The following PDE4D variants were observed in gnomAD, a reference collection of about 807,000 sequenced individuals.
PDE4D encodes phosphodiesterase 4D.
PDE4D carries 24 observed loss-of-function variants against 87.4 expected under a neutral mutation model. The ratio of observed to expected loss-of-function variants is 0.27; its 90% CI spans 0.20 to 0.39. The LOEUF (loss-of-function observed/expected upper bound fraction) is 0.39, where lower values mean the gene tolerates loss of function less well. PDE4D is among the 10% of genes least tolerant of loss of function. PDE4D has a pLI of 1.00. For missense variants in PDE4D, 714 were observed against 1,041.0 expected, an observed-to-expected ratio of 0.69 and a Z score of 4.32; for synonymous variants, 384 against 383.2, an observed-to-expected ratio of 1.00 and a Z score of -0.02.
intron 1 of PDE4D, among the ~76,000 whole-genome samples, chr5:59,819,222 A>G (rs1180301227): frequency 2.6e-5 from 4 of 152,226 alleles, no homozygotes; most frequent in African/African-American, 9.6e-5. Flanking sequence ...TGAATCTGCC[A>G]GACTGTAAGT....
intron 1 of PDE4D, among the ~76,000 whole-genome samples, chr5:60,321,436 C>T (rs73106738): frequency 1.2e-4 from 19 of 152,032 alleles, no homozygotes; most frequent in Non-Finnish European, 2.4e-4. Context: ...TAAAACTATA[C>T]AAATGCTGGA....
intron 1 of PDE4D, among the ~76,000 whole-genome samples, chr5:59,579,736 A>G (rs1462217896): frequency 6.6e-6 from 1 of 152,174 alleles, no homozygotes; most frequent in African/African-American, 2.4e-5. Flanking sequence ...CAGTGGGAAG[A>G]GTGACTTTTG....
At chr5:59,353,421 C>A (rs1361458868) in intron 1 of PDE4D, among the ~76,000 whole-genome samples, 5 of 150,400 alleles carry the variant, frequency 3.3e-5, no homozygotes, top group African/African-American at 9.8e-5. Flanking sequence ...ACATTGTTTT[C>A]TTGAGCACAT....
intron 3 of PDE4D, among the ~76,000 whole-genome samples, chr5:59,974,444 A>G (rs1025743376): frequency 6.6e-6 from 1 of 152,168 alleles, no homozygotes; most frequent in Non-Finnish European, 1.5e-5. Flanking sequence ...TACTCCAGAG[A>G]CTGTAATAAA....
chr5:60,049,534 A>G (rs1018543095), intron 2 of PDE4D, among the ~76,000 whole-genome samples: 1 of 151,996 alleles, frequency 6.6e-6, no homozygotes, highest in Non-Finnish European at 1.5e-5. Flanking sequence ...TGATGTACAG[A>G]TGGGTTTTTG....
intron 1 of PDE4D, among the ~76,000 whole-genome samples, chr5:59,840,163 T>C (rs1742757177): frequency 6.6e-6 from 1 of 151,816 alleles, no homozygotes; most frequent in Non-Finnish European, 1.5e-5. Context: ...TAGTTAATTA[T>C]CCCCATTCAG....
chr5:59,726,734 G>C (rs995829805), intron 1 of PDE4D, among the ~76,000 whole-genome samples: 1 of 152,002 alleles, frequency 6.6e-6, no homozygotes, highest in Non-Finnish European at 1.5e-5. Context: ...TTAGCTAAAG[G>C]AATAAAATCT....
At chr5:59,078,265 T>C (rs1452997571) in intron 5 of PDE4D, among the ~76,000 whole-genome samples, 1 of 152,204 alleles carries the variant, frequency 6.6e-6, no homozygotes, top group Non-Finnish European at 1.5e-5. Context: ...AAAACTGGTA[T>C]AGATTTATAC....
intron 3 of PDE4D, among the ~76,000 whole-genome samples, chr5:59,930,079 G>A (rs779192813): frequency 1.3e-5 from 2 of 148,888 alleles, no homozygotes; most frequent in Non-Finnish European, 3.0e-5. Context: ...GGAGAATGGC[G>A]TGAACCCGGG....
intron 1 of PDE4D, among the ~76,000 whole-genome samples, chr5:59,643,595 T>C (rs1213496607): frequency 6.6e-6 from 1 of 152,186 alleles, no homozygotes. Flanking sequence ...TTAAAAACAA[T>C]TTTGTAAAGA....
At position 59,190,722 on chromosome 5, in the gene PDE4D, T is replaced by G. The variant is rs183039210; in HGVS notation, c.684+2778A>C. Among the ~76,000 whole-genome samples the G allele has an allele frequency of 6.0e-4, 91 of 152,308 alleles. 2 individuals carry two copies. The highest frequency in any genetic ancestry group is 2.3e-3 in the East Asian group (12 of 5,186). On this transcript the variant is annotated intron_variant, in intron 3 of 14. Coordinates refer to ENST00000340635, the MANE Select transcript of PDE4D (RefSeq NM_001104631.2). ...TTGGGTCAGCAAAACATGCCAATCA[T>G]GTCCAACAGGGTTTAAGAGAAGGCC...
At chr5:59,440,691 G>T (rs1205061769) in intron 1 of PDE4D, among the ~76,000 whole-genome samples, 1 of 152,138 alleles carries the variant, frequency 6.6e-6, no homozygotes, top group Non-Finnish European at 1.5e-5. Flanking sequence ...CAGGAGAATT[G>T]CTTGAACCTG....
intron 2 of PDE4D, among the ~76,000 whole-genome samples, chr5:60,044,366 CTTT>C (rs56387023): frequency 6.6e-6 from 1 of 151,288 alleles, no homozygotes; most frequent in Non-Finnish European, 1.5e-5. Context: ...CTAGTTTTTC[CTTT>C]TTTTTATATT....
chr5:59,890,758 T>A (rs1262389596), intron 1 of PDE4D, among the ~76,000 whole-genome samples: 2 of 152,232 alleles, frequency 1.3e-5, no homozygotes, highest in East Asian at 3.8e-4. Context: ...ATTGCTCGCA[T>A]CTTCTGGGGC....
At chr5:59,279,395 G>A (rs2153546490) in intron 1 of PDE4D, among the ~76,000 whole-genome samples, 1 of 152,136 alleles carries the variant, frequency 6.6e-6, no homozygotes, top group East Asian at 1.9e-4. Context: ...GGGGAATTTT[G>A]AGGCAATTTC....
At chr5:59,778,724 T>C (rs1482639264) in intron 1 of PDE4D, among the ~76,000 whole-genome samples, 3 of 152,312 alleles carry the variant, frequency 2.0e-5, no homozygotes, top group African/African-American at 7.2e-5. Context: ...CAATAGACAC[T>C]AGACACAGGT....
chr5:59,531,579 G>A (rs1044751840), intron 1 of PDE4D, among the ~76,000 whole-genome samples: 10 of 152,162 alleles, frequency 6.6e-5, no homozygotes, highest in Non-Finnish European at 1.5e-4. Flanking sequence ...CTTCAGGGTT[G>A]CATTCCTTTC....
chr5:60,007,751 G>A (rs1764630827), intron 2 of PDE4D, among the ~76,000 whole-genome samples: 1 of 151,932 alleles, frequency 6.6e-6, no homozygotes, highest in Non-Finnish European at 1.5e-5. Flanking sequence ...CTACAGCACT[G>A]ACAAGTAGAC....
chr5:59,406,395 TCCCCCC>T (rs3061708), intron 1 of PDE4D, among the ~76,000 whole-genome samples: 2 of 33,230 alleles, frequency 6.0e-5, no homozygotes, highest in Non-Finnish European at 1.1e-4. Flanking sequence ...TATCTTTCCT[TCCCCCC>T]CCCCCCCCCC....
Sources: gnomAD v4.1 joint callset for allele counts (sites outside exome capture counted in the v4.1 genomes callset) on GRCh38, gnomAD v4.1.1 for gene constraint, MANE v1.5 for transcripts, NCBI Gene and HGNC (gene_info 2026-07-23, HGNC 2026-07-21) for gene names.